The following FRMD4B variants were observed in gnomAD, a reference collection of about 807,000 sequenced individuals.
FRMD4B encodes the protein FERM domain-containing protein 4B.
Under a neutral mutation model 141.5 loss-of-function variants are expected in FRMD4B, and 74 were observed. The ratio of observed to expected loss-of-function variants is 0.52; its 90% CI spans 0.43 to 0.63. The LOEUF is 0.63. Among genes scored for constraint, FRMD4B ranks in the 30% least tolerant of loss-of-function variants. The pLI is 0.00. For missense variants in FRMD4B, 1,366 were observed against 1,253.4 expected (o/e 1.09, Z -1.36); for synonymous variants, 506 against 467.9 (o/e 1.08, Z -1.05).
At chr3:69,444,090 C>A (rs62252285) in intron 1 of FRMD4B, among the ~76,000 whole-genome samples, 24,808 of 152,144 alleles carry the variant, frequency 0.16, 2,419 homozygotes, top group Middle Eastern at 0.25. Context: ...TTTTCCACAC[C>A]CCTCTGATTT....
intron 1 of FRMD4B, among the ~76,000 whole-genome samples, chr3:69,531,046 A>C (rs1186978335): frequency 6.6e-6 from 1 of 152,198 alleles, no homozygotes; most frequent in Admixed American, 6.5e-5. Context: ...CATGGATGCA[A>C]ATCTCAACTC....
At chr3:69,438,050 A>G (rs1308496660) in intron 1 of FRMD4B, among the ~76,000 whole-genome samples, 1 of 145,544 alleles carries the variant, frequency 6.9e-6, no homozygotes, top group African/African-American at 2.5e-5. Context: ...ATATACTACT[A>G]TATGATATAT....
intron 1 of FRMD4B, among the ~76,000 whole-genome samples, chr3:69,437,467 ATAC>A: frequency 6.8e-6 from 1 of 147,158 alleles, no homozygotes; most frequent in African/African-American, 2.5e-5. Flanking sequence ...ACTAGTGTAT[ATAC>A]TAGTATACTA....
intron 1 of FRMD4B, among the ~76,000 whole-genome samples, chr3:69,531,319 G>A (rs142256773): frequency 6.4e-4 from 97 of 152,004 alleles, no homozygotes; most frequent in African/African-American, 2.1e-3. Flanking sequence ...ACAGGATTAC[G>A]GCACAGAACA....
intron 7 of FRMD4B, among the ~76,000 whole-genome samples, chr3:69,235,740 G>A (rs2093341597): frequency 6.6e-6 from 1 of 152,084 alleles, no homozygotes; most frequent in African/African-American, 2.4e-5. Flanking sequence ...CCAGGTGGCA[G>A]AGAGTGGGCT....
chr3:69,447,944 A>T (rs1215428524), intron 1 of FRMD4B, among the ~76,000 whole-genome samples: 1 of 150,310 alleles, frequency 6.7e-6, no homozygotes, highest in Non-Finnish European at 1.5e-5. Flanking sequence ...TTATTTATCC[A>T]TTCACCTTCT....
chr3:69,475,545 T>C (rs1289106323), intron 1 of FRMD4B, among the ~76,000 whole-genome samples: 2 of 152,204 alleles, frequency 1.3e-5, no homozygotes, highest in South Asian at 2.1e-4. Context: ...CTCATCATTT[T>C]TTATGGCTGC....
At chr3:69,526,541 C>CA (rs1432247861) in intron 1 of FRMD4B, among the ~76,000 whole-genome samples, 11 of 152,186 alleles carry the variant, frequency 7.2e-5, no homozygotes, top group African/African-American at 2.7e-4. Context: ...ATTGGCTCTG[C>CA]AGTCAGAATG....
intron 4 of FRMD4B, among the ~76,000 whole-genome samples, chr3:69,288,386 G>A (rs1250385673): frequency 1.3e-5 from 2 of 152,200 alleles, no homozygotes; most frequent in South Asian, 2.1e-4. Context: ...CAGGCCCTGG[G>A]TTTTCCTTTG....
At chr3:69,313,044 T>C (rs1701654692) in intron 2 of FRMD4B, among the ~76,000 whole-genome samples, 1 of 152,236 alleles carries the variant, frequency 6.6e-6, no homozygotes, top group Admixed American at 6.5e-5. Context: ...GTATTTCACT[T>C]GCACAATGCC....
chr3:69,368,436 G>A (rs149095229), intron 1 of FRMD4B, among the ~76,000 whole-genome samples: 75 of 152,322 alleles, frequency 4.9e-4, no homozygotes, highest in African/African-American at 1.3e-3. Flanking sequence ...AGCTGCTGTG[G>A]CTGAGGAAGG....
chr3:69,365,210 A>T (rs1410179936), intron 1 of FRMD4B, among the ~76,000 whole-genome samples: 3 of 152,196 alleles, frequency 2.0e-5, no homozygotes, highest in Admixed American at 2.0e-4. Context: ...AGGAGACTAA[A>T]ACCTGCTCTC....
At chr3:69,513,191 CAAAA>C (rs1706717000) in intron 1 of FRMD4B, among the ~76,000 whole-genome samples, 1 of 151,606 alleles carries the variant, frequency 6.6e-6, no homozygotes, top group Middle Eastern at 3.5e-3. Context: ...AGAGAACACT[CAAAA>C]AACTAGAATT....
chr3:69,210,076 T>G (rs992041399), intron 11 of FRMD4B, among the ~76,000 whole-genome samples: 4 of 150,812 alleles, frequency 2.7e-5, no homozygotes, highest in African/African-American at 4.9e-5. Context: ...CCAATATATA[T>G]AGAGACAGAA....
chr3:69,453,071 A>G (rs1160750982), intron 1 of FRMD4B, among the ~76,000 whole-genome samples: 2 of 152,224 alleles, frequency 1.3e-5, no homozygotes, highest in Non-Finnish European at 2.9e-5. Flanking sequence ...ATGTGTGGCT[A>G]ATGGCTTCCA....
chr3:69,519,492 T>C (rs1287753207), intron 1 of FRMD4B, among the ~76,000 whole-genome samples: 3 of 152,142 alleles, frequency 2.0e-5, no homozygotes, highest in African/African-American at 7.2e-5. Context: ...TCTTACTTCT[T>C]CCCATGGGCA....
At chr3:69,317,948 CTCTT>C (rs1701861377) in intron 1 of FRMD4B, among the ~76,000 whole-genome samples, 1 of 151,776 alleles carries the variant, frequency 6.6e-6, no homozygotes, top group African/African-American at 2.4e-5. Context: ...TTTTTTCCCT[CTCTT>C]AAGCTAAGAG....
intron 5 of FRMD4B, among the ~76,000 whole-genome samples, chr3:69,257,811 ATCACCAT>A (rs2093502139): frequency 6.6e-6 from 1 of 150,808 alleles, no homozygotes; most frequent in African/African-American, 2.4e-5. Flanking sequence ...ACAGGTGTGT[ATCACCAT>A]GCCTGGCTAA....
intron 1 of FRMD4B, among the ~76,000 whole-genome samples, chr3:69,486,325 C>A (rs1358289177): frequency 1.3e-5 from 2 of 152,174 alleles, no homozygotes; most frequent in Non-Finnish European, 2.9e-5. Flanking sequence ...ATCAACCGAG[C>A]AGTATACACC....
Sources: gnomAD v4.1 joint callset for allele counts (sites outside exome capture counted in the v4.1 genomes callset) on GRCh38, gnomAD v4.1.1 for gene constraint, MANE v1.5 for transcripts, NCBI Gene and HGNC (gene_info 2026-07-23, HGNC 2026-07-21) for gene names.